Variants in NRP1 observed in about 807,000 individuals in gnomAD.
The protein encoded by NRP1 is neuropilin-1.
NRP1 carries 35 observed loss-of-function variants against 106.7 expected under a neutral mutation model. The ratio of observed to expected loss-of-function variants is 0.33; its 90% CI spans 0.25 to 0.43. The LOEUF is 0.43. NRP1 is among the 20% of genes least tolerant of loss of function. NRP1 has a pLI of 1.00. For synonymous variants in NRP1, 437 were observed against 417.9 expected, an observed-to-expected ratio of 1.05 and a Z score of -0.56; for missense variants, 1,024 against 1,170.4, an observed-to-expected ratio of 0.87 and a Z score of 1.83.
chr10:33,268,771 A>G (rs1843096235), intron 3 of NRP1, among the ~76,000 whole-genome samples: 2 of 152,212 alleles, frequency 1.3e-5, no homozygotes. Flanking sequence ...TATGACTTCT[A>G]TAACAAGTCA....
chr10:33,254,769 A>T (rs983244248), intron 5 of NRP1, among the ~76,000 whole-genome samples: 7 of 152,164 alleles, frequency 4.6e-5, no homozygotes, highest in Non-Finnish European at 1.0e-4. Context: ...GTTTATCAAA[A>T]CACAGTTATG....
intron 6 of NRP1, among the ~76,000 whole-genome samples, chr10:33,238,790 TC>T (rs1461876373): frequency 3.3e-5 from 5 of 152,154 alleles, no homozygotes; most frequent in Admixed American, 2.6e-4. Context: ...CCTCATTTAG[TC>T]ATTCTGCATG....
At chr10:33,283,381 AGGTGGGTG>A (rs1319135802) in intron 2 of NRP1, among the ~76,000 whole-genome samples, 1 of 152,218 alleles carries the variant, frequency 6.6e-6, no homozygotes, top group African/African-American at 2.4e-5. Flanking sequence ...TTAAGTCAGA[AGGTGGGTG>A]TATCAGCTCC....
chr10:33,301,685 G>C (rs1269473802), intron 2 of NRP1, among the ~76,000 whole-genome samples: 1 of 151,964 alleles, frequency 6.6e-6, no homozygotes, highest in Non-Finnish European at 1.5e-5. Flanking sequence ...AAAATTAAAG[G>C]GGTGTTTTTT....
intron 6 of NRP1, among the ~76,000 whole-genome samples, chr10:33,238,980 G>A (rs1335157879): frequency 6.6e-6 from 1 of 151,528 alleles, no homozygotes; most frequent in Non-Finnish European, 1.5e-5. Context: ...TAATTCCTTT[G>A]AAGGAGAGAG....
At chr10:33,302,851 C>T (rs1478660465) in intron 2 of NRP1, among the ~76,000 whole-genome samples, 1 of 152,112 alleles carries the variant, frequency 6.6e-6, no homozygotes, top group Non-Finnish European at 1.5e-5. Flanking sequence ...TAGTTTTATC[C>T]CCATGGTTGG....
At chr10:33,291,073 G>T (rs1390242652) in intron 2 of NRP1, among the ~76,000 whole-genome samples, 2 of 152,160 alleles carry the variant, frequency 1.3e-5, no homozygotes, top group African/African-American at 4.8e-5. Context: ...ATCATTGGGT[G>T]CTTTTATAAA....
chr10:33,214,607 C>A (rs757291589), intron 8 of NRP1, among the ~76,000 whole-genome samples: 1 of 152,194 alleles, frequency 6.6e-6, no homozygotes, highest in Non-Finnish European at 1.5e-5. Context: ...TGAATCTCCA[C>A]TACACCAACT....
intron 2 of NRP1, among the ~76,000 whole-genome samples, chr10:33,329,884 G>A (rs997041444): frequency 9.2e-5 from 14 of 152,086 alleles, no homozygotes; most frequent in African/African-American, 2.7e-4. Flanking sequence ...ACATACTTTC[G>A]ATACTGTGGA....
rs34807815 is a variant in NRP1, at chr10:33,270,155, ATT to A, written c.430+518_430+519del. On this transcript the variant is annotated intron_variant, in intron 3 of 16. Transcript: ENST00000374867. ...GGTACAATTTTGATTGCTGAAATAC[ATT>A]TTTTTTTTCAATTTTAAATACACTT... Among the ~76,000 whole-genome samples, 10 of 149,588 alleles carry A rather than the reference ATT, an allele frequency of 6.7e-5. No individual in the cohort carries two copies. In the South Asian group the frequency reaches 8.5e-4, roughly 13 times the overall value.
At chr10:33,221,194 G>A (rs1001749361) in intron 8 of NRP1, among the ~76,000 whole-genome samples, 44 of 152,196 alleles carry the variant, frequency 2.9e-4, no homozygotes, top group Non-Finnish European at 4.4e-4. Flanking sequence ...CTGAGTGACA[G>A]AGCAAGACCC....
intron 9 of NRP1, among the ~76,000 whole-genome samples, chr10:33,208,357 T>C (rs1837990657): frequency 6.6e-6 from 1 of 152,168 alleles, no homozygotes; most frequent in African/African-American, 2.4e-5. Flanking sequence ...CTGGCATGAG[T>C]TGGCACCTCT....
At chr10:33,189,500 C>T (rs773161072) in intron 13 of NRP1, among the ~76,000 whole-genome samples, 35 of 152,188 alleles carry the variant, frequency 2.3e-4, no homozygotes, top group African/African-American at 8.0e-4. Context: ...GATCAGACTG[C>T]GAGTTCCTCA....
rs1280262067 is a variant in NRP1, at chr10:33,221,729, G to T, written c.1272C>A (p.Cys424Ter). 1 of 1,613,520 alleles carries T rather than the reference G, an allele frequency of 6.2e-7. No homozygotes were observed. The highest frequency in any genetic ancestry group is 8.5e-7 in the Non-Finnish European group (1 of 1,179,594). Reference protein sequence around the residue: ...GISMRFEVYGCKITDYPCSGM... With the variant: ...GISMRFEVYG ...TCTTCCACAGCTTACCTGTTATCTT[G>T]CAACCGTATACTTCAAATCTCATAG... Residue 424 changes from cysteine (C) to a stop codon, truncating the protein, a stop_gained, in exon 8 of 17, where the codon TGC becomes TGA. Coordinates refer to ENST00000374867, the MANE Select transcript of NRP1 (RefSeq NM_003873.7). LOFTEE classifies it high-confidence loss of function.
intron 2 of NRP1, among the ~76,000 whole-genome samples, chr10:33,287,545 A>C (rs925538237): frequency 6.6e-6 from 1 of 152,224 alleles, no homozygotes; most frequent in African/African-American, 2.4e-5. Flanking sequence ...AAGCTTGGAG[A>C]GAAAGAATGA....
chr10:33,280,624 A>T (rs1391146443), intron 2 of NRP1, among the ~76,000 whole-genome samples: 1 of 152,198 alleles, frequency 6.6e-6, no homozygotes, highest in Non-Finnish European at 1.5e-5. Context: ...CATTTTGTAC[A>T]TATTTACTTC....
At chr10:33,208,193 TG>T (rs1322002136) in intron 9 of NRP1, among the ~76,000 whole-genome samples, 7 of 152,210 alleles carry the variant, frequency 4.6e-5, no homozygotes, top group Admixed American at 1.3e-4. Context: ...CCCAAAGTGC[TG>T]GGATTACAGG....
At chr10:33,198,374 C>A (rs985580945) in intron 11 of NRP1, among the ~76,000 whole-genome samples, 1 of 151,774 alleles carries the variant, frequency 6.6e-6, no homozygotes, top group Non-Finnish European at 1.5e-5. Flanking sequence ...ACTCCTGACC[C>A]CAAGTGATCC....
chr10:33,263,943 G>A (rs1342507476), intron 3 of NRP1, 70 bp from the exon 4 acceptor site: 1 of 951,848 alleles, frequency 1.1e-6, no homozygotes, highest in East Asian at 2.4e-5. Flanking sequence ...AAATAACCTG[G>A]GTAAAGACAG....
Sources: allele counts gnomAD v4.1 joint callset (sites outside exome capture counted in the v4.1 genomes callset), GRCh38; gene constraint gnomAD v4.1.1; transcripts MANE v1.5; gene names NCBI Gene and HGNC (gene_info 2026-07-23, HGNC 2026-07-21).